The following NOX4 variants were observed in gnomAD, a reference collection of about 807,000 sequenced individuals.
NOX4 encodes the protein NADPH oxidase 4.
Under a neutral mutation model 87.6 loss-of-function variants are expected in NOX4, and 69 were observed. The ratio of observed to expected loss-of-function variants is 0.79; its 90% CI spans 0.65 to 0.96. The LOEUF is 0.96. Among genes scored for constraint, NOX4 ranks in the 40% least tolerant of loss-of-function variants. The pLI, the probability that NOX4 is intolerant of heterozygous loss-of-function variation, is 0.00. For synonymous variants in NOX4, 275 were observed against 238.2 expected (o/e 1.15, Z -1.42); for missense variants, 680 against 681.5 (o/e 1.00, Z 0.02).
At chr11:89,389,683 C>T (rs1432234725) in intron 11 of NOX4, among the ~76,000 whole-genome samples, 1 of 152,100 alleles carries the variant, frequency 6.6e-6, no homozygotes, top group Non-Finnish European at 1.5e-5. Context: ...CTGACTCCAG[C>T]AACATAGATG....
the NOX4 span, among the ~76,000 whole-genome samples, chr11:89,569,751 C>G: frequency 6.6e-6 from 1 of 152,068 alleles, no homozygotes; most frequent in Non-Finnish European, 1.5e-5. Context: ...CACCTGTAAT[C>G]CCAGTACTTT....
At position 89,437,630 on chromosome 11, in the gene NOX4, GT is replaced by G. The variant is rs1268217781; in HGVS notation, c.475+3057del. Among the ~76,000 whole-genome samples, 4 of 152,116 alleles carry G rather than the reference GT, an allele frequency of 2.6e-5. No individual in the cohort carries two copies. In the East Asian group the frequency reaches 5.8e-4, roughly 22 times the overall value. ...TTTGCTGAATTGGGTGAGTCAAATTGTTTTTATTGCCAGAGGCCATAAAAAA... is the reference window on the plus strand; with the variant it reads ...TTTGCTGAATTGGGTGAGTCAAATTGTTTTATTGCCAGAGGCCATAAAAAA... On this transcript the variant is annotated intron_variant, in intron 6 of 17. Coordinates refer to ENST00000263317, the MANE Select transcript of NOX4 (RefSeq NM_016931.5).
chr11:89,355,177 C>G, intron 12 of NOX4, 134 bp from the exon 13 acceptor site: 1 of 609,206 alleles, frequency 1.6e-6, no homozygotes, highest in Admixed American at 3.0e-5. Context: ...TAGAAATTTA[C>G]CCACCATTTT....
At chr11:89,336,289 T>G (rs1221291856) in intron 16 of NOX4, among the ~76,000 whole-genome samples, 1 of 151,918 alleles carries the variant, frequency 6.6e-6, no homozygotes, top group African/African-American at 2.4e-5. Flanking sequence ...TAGACTTCAG[T>G]TAGTTGTTTC....
intron 2 of NOX4, among the ~76,000 whole-genome samples, chr11:89,483,656 AGAC>A (rs1946480976): frequency 1.0e-5 from 1 of 96,262 alleles, no homozygotes; most frequent in African/African-American, 7.2e-5. Flanking sequence ...AATTTCAGAT[AGAC>A]AGGAAGAATA....
chr11:89,340,330 T>G (rs1590962225), intron 14 of NOX4, among the ~76,000 whole-genome samples, 159 bp from the exon 15 acceptor site: 1 of 152,222 alleles, frequency 6.6e-6, no homozygotes, highest in Admixed American at 6.5e-5. Context: ...TAGCGTCTGA[T>G]AGCACGAGAC....
At chr11:89,519,894 A>G in the NOX4 span, among the ~76,000 whole-genome samples, 2 of 152,078 alleles carry the variant, frequency 1.3e-5, no homozygotes, top group African/African-American at 4.8e-5. Flanking sequence ...CCAAGGCAAC[A>G]TCTTTAAACC....
chr11:89,397,970 G>A (rs1267241159), intron 11 of NOX4, among the ~76,000 whole-genome samples: 1 of 151,882 alleles, frequency 6.6e-6, no homozygotes, highest in South Asian at 2.1e-4. Context: ...ATTTTATGAG[G>A]CCAGCACCAT....
chr11:89,563,874 C>T, the NOX4 span, among the ~76,000 whole-genome samples: 5 of 152,028 alleles, frequency 3.3e-5, no homozygotes, highest in Admixed American at 1.3e-4. Flanking sequence ...TTCGGAAATA[C>T]AGAAAATGAC....
At chr11:89,368,187 C>G (rs1939160239) in intron 12 of NOX4, among the ~76,000 whole-genome samples, 2 of 151,834 alleles carry the variant, frequency 1.3e-5, no homozygotes, top group Non-Finnish European at 2.9e-5. Flanking sequence ...TCTTCTTCGT[C>G]CTTATTTCCT....
chr11:89,523,342 T>C, the NOX4 span, among the ~76,000 whole-genome samples: 3 of 152,096 alleles, frequency 2.0e-5, no homozygotes, highest in Non-Finnish European at 2.9e-5. Flanking sequence ...GAACTCTTAA[T>C]AGCAGGTATA....
the NOX4 span, among the ~76,000 whole-genome samples, chr11:89,504,009 A>G: frequency 6.6e-6 from 1 of 151,428 alleles, no homozygotes; most frequent in Non-Finnish European, 1.5e-5. Flanking sequence ...GGAAAGTTCT[A>G]CACAAAGGGT....
At chr11:89,573,471 G>A in the NOX4 span, among the ~76,000 whole-genome samples, 3 of 152,222 alleles carry the variant, frequency 2.0e-5, no homozygotes, top group East Asian at 3.9e-4. Context: ...CCCGGGAGGC[G>A]GAGCTTGCAG....
At chr11:89,424,162 C>T (rs567109454) in intron 7 of NOX4, among the ~76,000 whole-genome samples, 1 of 151,818 alleles carries the variant, frequency 6.6e-6, no homozygotes, top group African/African-American at 2.4e-5. Context: ...TCTTAGTGAA[C>T]ATATATCTTT....
intron 8 of NOX4, among the ~76,000 whole-genome samples, chr11:89,417,315 A>G (rs749417484): frequency 6.6e-6 from 1 of 152,166 alleles, no homozygotes; most frequent in Non-Finnish European, 1.5e-5. Context: ...TCAAAAGAAA[A>G]TGAGGAAAGA....
chr11:89,366,179 A>G (rs1199246080), intron 12 of NOX4, among the ~76,000 whole-genome samples: 4 of 152,114 alleles, frequency 2.6e-5, no homozygotes, highest in Admixed American at 1.3e-4. Context: ...TATGTTACCA[A>G]GAAAATCCCT....
At chr11:89,484,710 C>T (rs1326554867) in intron 2 of NOX4, among the ~76,000 whole-genome samples, 1 of 152,054 alleles carries the variant, frequency 6.6e-6, no homozygotes, top group East Asian at 1.9e-4. Context: ...GAATCAGTGT[C>T]TATTGTAAAT....
Position 89,469,934 on chromosome 11 carries a change from T to C in NOX4, c.154-18039A>G, listed in dbSNP as rs1945856363. Among the ~76,000 whole-genome samples the C allele has an allele frequency of 3.9e-5, 6 of 152,118 alleles. No individual in the cohort carries two copies. In the South Asian group the frequency reaches 1.2e-3, roughly 32 times the overall value. The stretch of plus-strand genomic sequence containing the variant: ...TTATTCCTTAGGTCTCGGGTGGAGT[T>C]CTGAGCCAGGATCAGCACTCATTGA... On this transcript the variant is annotated intron_variant, in intron 2 of 17. Transcript: ENST00000263317.
At chr11:89,523,502 G>C in the NOX4 span, among the ~76,000 whole-genome samples, 63 of 152,318 alleles carry the variant, frequency 4.1e-4, no homozygotes, top group African/African-American at 1.4e-3. Context: ...ATATTTTACT[G>C]TGTAGAAGAT....
Sources: gnomAD v4.1 joint callset for allele counts (sites outside exome capture counted in the v4.1 genomes callset) on GRCh38, gnomAD v4.1.1 for gene constraint, MANE v1.5 for transcripts, NCBI Gene and HGNC (gene_info 2026-07-23, HGNC 2026-07-21) for gene names.